The following TUBG2 variants were observed in gnomAD, a reference collection of about 807,000 sequenced individuals.
TUBG2 encodes the protein tubulin gamma-2 chain.
TUBG2 carries 39 observed loss-of-function variants against 55.1 expected under a neutral mutation model. The ratio of observed to expected loss-of-function variants is 0.71; its 90% CI spans 0.55 to 0.93. TUBG2 has a LOEUF of 0.93. Among genes scored for constraint, TUBG2 ranks in the 40% least tolerant of loss-of-function variants. The pLI, the probability that TUBG2 is intolerant of heterozygous loss-of-function variation, is 0.00. For synonymous variants in TUBG2, 223 were observed against 241.0 expected, an observed-to-expected ratio of 0.93 and a Z score of 0.69; for missense variants, 358 against 599.1, an observed-to-expected ratio of 0.60 and a Z score of 4.20.
rs754031413 is a variant in TUBG2, at chr17:42,663,513, GAA to G, written c.606+12_606+13del. 67 of 1,612,676 alleles carry G rather than the reference GAA, an allele frequency of 4.2e-5. No homozygotes were observed. The highest frequency in any genetic ancestry group is 4.9e-5 in the Non-Finnish European group (58 of 1,178,874). ...GAACGCAGATTGTGTGGTGAGCAAA[GAA>G]AGAGTTGAGGGGCTGGGTGTGGTGG... On this transcript the variant is annotated intron_variant, in intron 6 of 10. Transcript: ENST00000251412.
chr17:42,660,713 G>A lies in TUBG2; in HGVS notation c.399+6G>A. The stretch of plus-strand genomic sequence containing the variant: ...ATGGAAGTGACAGTTTGGAGGTGAA[G>A]TTATGGAGTGGGGGAAGGAATGGGC... On this transcript the variant is annotated splice_donor_region_variant and intron_variant, in intron 4 of 10. Coordinates refer to ENST00000251412, the MANE Select transcript of TUBG2 (RefSeq NM_016437.3). 6.2e-7 allele frequency: 1 copy of A among 1,613,980 alleles called. No individual in the cohort carries two copies.
rs372865254 is a variant in TUBG2, at chr17:42,665,578, C to G, written c.693+16C>G. On this transcript the variant is annotated intron_variant, in intron 7 of 10. Transcript: ENST00000251412. ...CAACCAGCTGGTGGGCCCCCACTCC[C>G]GGACTCCTTTGGACTGGAAGCCCTC... is the stretch of plus-strand genomic sequence containing the variant. 2 of 1,614,180 alleles carry G rather than the reference C, an allele frequency of 1.2e-6. No homozygotes were observed. Among genetic ancestry groups the G allele is most frequent in the Admixed American group, 3.3e-5 (2 of 60,026 alleles).
At chr17:42,666,024 A>C (rs2052529215) in intron 8 of TUBG2, 63 bp from the exon 9 acceptor site, 1 of 1,608,932 alleles carries the variant, frequency 6.2e-7, no homozygotes, top group Admixed American at 1.7e-5. Context: ...GCTTCTGCCA[A>C]AGAGAAGCCA....
chr17:42,666,889 C>T lies in TUBG2; in HGVS notation c.*89C>T. ...CTCTGACCCAGCTTCACCTCATGGA[C>T]AACCCTTCTTGGTTCATCTCCAGCC... On this transcript the variant is annotated 3_prime_UTR_variant, in exon 11 of 11. Coordinates refer to ENST00000251412, the MANE Select transcript of TUBG2 (RefSeq NM_016437.3). 2.8e-6 allele frequency: 4 copies of T among 1,437,988 alleles called. No individual in the cohort carries two copies. The highest frequency in any genetic ancestry group is 3.8e-6 in the Non-Finnish European group (4 of 1,040,376). 89.1% of individuals were successfully genotyped at this position (1,437,988 alleles called of 1,614,324 possible). A position where few individuals can be genotyped will look rare whatever the true frequency, so the allele number is the denominator to read the frequency against.
Position 42,666,756 on chromosome 17 carries a change from G to T in TUBG2, c.1312G>T (p.Ala438Ser). ...GGAGCTCATTGATGAGTACCATGCGGCCACCCAGCCAGACTACATTTCCTG... is the reference window on the plus strand; with the variant it reads ...GGAGCTCATTGATGAGTACCATGCGTCCACCCAGCCAGACTACATTTCCTG... ...VQELIDEYHA[A>S]TQPDYISWGT... The change falls in exon 11 of 11, where the codon GCC becomes TCC. Residue 438 changes from alanine (A) to serine (S), a missense_variant. This residue lies in a region of TUBG2 where 54 missense variants were observed against 50.2 expected (regional missense o/e 1.08). Coordinates refer to ENST00000251412, the MANE Select transcript of TUBG2 (RefSeq NM_016437.3). 6.2e-7 allele frequency: 1 copy of T among 1,614,070 alleles called. No homozygotes were observed. The highest frequency in any genetic ancestry group is 8.5e-7 in the Non-Finnish European group (1 of 1,179,988).
At chr17:42,663,091 C>T (rs201430908) in intron 5 of TUBG2, 39 bp downstream of exon 5, 1 of 1,593,934 alleles carries the variant, frequency 6.3e-7, no homozygotes. Context: ...AACCCTGGTT[C>T]CCTGAGTAAT....
intron 4 of TUBG2, 119 bp from the exon 5 acceptor site, chr17:42,662,851 TCTA>T: frequency 1.2e-6 from 1 of 833,824 alleles, no homozygotes; most frequent in Non-Finnish European, 1.9e-6. Context: ...CCAGCTGGCA[TCTA>T]CTGTAGAATT....
At chr17:42,660,472 T>C in intron 3 of TUBG2, 156 bp downstream of exon 3, 1 of 1,384,386 alleles carries the variant, frequency 7.2e-7, no homozygotes, top group Non-Finnish European at 1.0e-6. Flanking sequence ...GCAAATTTTG[T>C]GCAAATCATT....
At position 42,666,385 on chromosome 17, in the gene TUBG2, C is replaced by T. The variant is rs552997638; in HGVS notation, c.1059C>T (p.Pro353=). The change falls in exon 10 of 11, where the codon CCC becomes CCT. Residue 353 remains proline, a synonymous_variant. Coordinates refer to ENST00000251412, the MANE Select transcript of TUBG2 (RefSeq NM_016437.3). ...TGGCCAACTTCATCCCGTGGGGCCC[C>T]GCCAGCATCCAGGTGGCCCTGTCGA... ...RKLANFIPWG[P]ASIQVALSRK... 179 of 1,614,204 alleles carry T rather than the reference C, an allele frequency of 1.1e-4. 1 individual carries two copies. The South Asian group carries it at 1.6e-3, about 15-fold the overall frequency.
chr17:42,663,066 T>G lies in TUBG2; in HGVS notation c.479+14T>G. ...ACTGAATGACAGGCAAGCCTGTGTTTGGGGAGAGGGCATTAACCCTGGTTC... is the reference window on the plus strand; with the variant it reads ...ACTGAATGACAGGCAAGCCTGTGTTGGGGGAGAGGGCATTAACCCTGGTTC... On this transcript the variant is annotated intron_variant, in intron 5 of 10. Transcript: ENST00000251412. The G allele has an allele frequency of 1.9e-6, 3 of 1,613,250 alleles. No individual in the cohort carries two copies. The highest frequency in any genetic ancestry group is 2.5e-6 in the Non-Finnish European group (3 of 1,179,498).
rs548636648 is a variant in TUBG2 at position 42,662,898 on chromosome 17, C to T, written c.400-75C>T. On this transcript the variant is annotated intron_variant, in intron 4 of 10. Transcript: ENST00000251412. The stretch of plus-strand genomic sequence containing the variant: ...ACCTGATGTGTGTGGTAAGACCCCA[C>T]CCATCTGGTATCAGAATTGTGTTGT... 2.1e-5 allele frequency: 31 copies of T among 1,466,764 alleles called. No individual in the cohort carries two copies. The African/African-American group carries it at 3.5e-4, about 16-fold the overall frequency. 90.9% of individuals were successfully genotyped at this position (1,466,764 alleles called of 1,614,324 possible).
At position 42,665,428 on chromosome 17, in the gene TUBG2, A is replaced by G. The variant is rs747399268; in HGVS notation, c.607-48A>G. 14 of 1,612,824 alleles carry G rather than the reference A, an allele frequency of 8.7e-6. No homozygotes were observed. In the African/African-American group the frequency reaches 1.9e-4, roughly 22 times the overall value. On this transcript the variant is annotated intron_variant, in intron 6 of 10. Coordinates refer to ENST00000251412, the MANE Select transcript of TUBG2 (RefSeq NM_016437.3). ...GGGGCTAAGCCAATATCTTATTTCT[A>G]TGCCCATTTTATCCTCAAGATGCTG...
chr17:42,659,694 G>A, intron 1 of TUBG2, 140 bp from the exon 2 acceptor site: 1 of 1,354,392 alleles, frequency 7.4e-7, no homozygotes, highest in Non-Finnish European at 1.0e-6. Context: ...CGAGAGCTGC[G>A]CCTCCAGCCC....
At chr17:42,664,909 G>A (rs975541604) in intron 6 of TUBG2, among the ~76,000 whole-genome samples, 2 of 147,060 alleles carry the variant, frequency 1.4e-5, no homozygotes, top group Non-Finnish European at 1.5e-5. Flanking sequence ...ATTTTTTACA[G>A]AGATGGCATC....
intron 9 of TUBG2, 38 bp from the exon 10 acceptor site, chr17:42,666,285 A>C (rs745964864): frequency 2.5e-6 from 4 of 1,614,092 alleles, no homozygotes; most frequent in Non-Finnish European, 2.5e-6. Flanking sequence ...GCAGGGGTAG[A>C]GGAGAGGCCA....
chr17:42,665,368 C>A, intron 6 of TUBG2, 108 bp from the exon 7 acceptor site: 1 of 1,555,828 alleles, frequency 6.4e-7, no homozygotes, highest in Non-Finnish European at 8.8e-7. Flanking sequence ...TTTTTTTAAA[C>A]TAACAAACCT....
chr17:42,663,331 G>A, intron 5 of TUBG2, 46 bp from the exon 6 acceptor site: 1 of 1,611,674 alleles, frequency 6.2e-7, no homozygotes, highest in East Asian at 2.2e-5. Context: ...GGCAGTGATG[G>A]AGGGGTCCTT....
rs768073517 is a variant in TUBG2 at position 42,663,400 on chromosome 17, CTTA to C, written c.506_508del (p.Tyr169del). On this transcript the variant is annotated inframe_deletion, in exon 6 of 11. Transcript: ENST00000251412. ...AGGTACCCCAAGAAGCTAGTGCAGA[CTTA>C]TTCAGTGTTTCCCTACCAGGACGAG... is the stretch of plus-strand genomic sequence containing the variant. 8.7e-6 allele frequency: 14 copies of C among 1,614,150 alleles called. No individual in the cohort carries two copies. The South Asian group carries it at 1.4e-4, about 16-fold the overall frequency.
chr17:42,663,413 T>A lies in TUBG2; in HGVS notation c.516T>A (p.Phe172Leu). 4.3e-6 allele frequency: 7 copies of A among 1,614,106 alleles called. No individual in the cohort carries two copies. The highest frequency in any genetic ancestry group is 5.9e-6 in the Non-Finnish European group (7 of 1,180,008). ...PKKLVQTYSV[F>L]PYQDEMSDVV... is the part of the protein sequence containing the mutation. Reference sequence around the variant, plus strand: ...AGCTAGTGCAGACTTATTCAGTGTTTCCCTACCAGGACGAGATGAGCGACG... The same window carrying A: ...AGCTAGTGCAGACTTATTCAGTGTTACCCTACCAGGACGAGATGAGCGACG... Residue 172 changes from phenylalanine to leucine, a missense_variant, in exon 6 of 11, where the codon TTT becomes TTA. Physicochemically the swap from Phe to Leu is conservative, Grantham distance 22. This residue lies in a region of TUBG2 where 40 missense variants were observed against 40.4 expected (regional missense o/e 0.99). Transcript: ENST00000251412.
Sources: gnomAD v4.1 joint callset for allele counts (sites outside exome capture counted in the v4.1 genomes callset) on GRCh38, gnomAD v4.1.1 for gene constraint, gnomAD v4.1.1 regional missense constraint, MANE v1.5 for transcripts, NCBI Gene and HGNC (gene_info 2026-07-23, HGNC 2026-07-21) for gene names.